SCYL1: variants seen among roughly 807,000 people sequenced by gnomAD.
SCYL1 encodes the protein SCY1 like pseudokinase 1, also known as N-terminal kinase-like protein.
Under a neutral mutation model 94.8 loss-of-function variants are expected in SCYL1, and 85 were observed. The observed-to-expected ratio is 0.90, with a 90% CI of 0.75 to 1.07. SCYL1 has a LOEUF of 1.07. Ranked by LOEUF, SCYL1 falls within the 50% of genes least tolerant of loss-of-function variation. The probability of loss-of-function intolerance (pLI) is 0.00; values close to 1 mark genes in which losing one functional copy is unlikely to be tolerated. For missense variants in SCYL1, 968 were observed against 1,083.3 expected (o/e 0.89, Z 1.49); for synonymous variants, 459 against 435.5 (o/e 1.05, Z -0.67).
Position 65,526,438 on chromosome 11 carries a change from T to A in SCYL1, c.602+88T>A. ...ACTCCTAGACTAGTTGGCACTCCCC[T>A]GTTCCCTGCTGCCTGGCTGGGGAGG... On this transcript the variant is annotated intron_variant, in intron 4 of 17. Coordinates refer to ENST00000270176, the MANE Select transcript of SCYL1 (RefSeq NM_020680.4). The surrounding 1 kb of genome is among the most constrained non-coding windows in gnomAD (Gnocchi z 4.1). 1 of 1,046,594 alleles carries A rather than the reference T, an allele frequency of 9.6e-7. No individual in the cohort carries two copies. The highest frequency in any genetic ancestry group is 1.6e-5 in the South Asian group (1 of 61,882). 64.8% of individuals were successfully genotyped at this position (1,046,594 alleles called of 1,614,324 possible).
chr11:65,526,739 C>T lies in SCYL1; in HGVS notation c.603-44C>T. Reference sequence around the variant, plus strand: ...GCCCAAGGCAGGCTGGAGGCCTGTGCAGGTGGTTGGTGGGGCCCTAAGAGC... The same window carrying T: ...GCCCAAGGCAGGCTGGAGGCCTGTGTAGGTGGTTGGTGGGGCCCTAAGAGC... On this transcript the variant is annotated intron_variant, in intron 4 of 17. Transcript: ENST00000270176. This position sits in a 1 kb window ranked among gnomAD's most constrained non-coding sequence, Gnocchi z 4.1. 1.3e-6 allele frequency: 2 copies of T among 1,578,598 alleles called. No homozygotes were observed. The highest frequency in any genetic ancestry group is 8.7e-7 in the Non-Finnish European group (1 of 1,155,778).
At chr11:65,534,247 A>G (rs1855536350) in intron 9 of SCYL1, among the ~76,000 whole-genome samples, 1 of 151,664 alleles carries the variant, frequency 6.6e-6, no homozygotes, top group Non-Finnish European at 1.5e-5. Context: ...ATAAAATAAA[A>G]TAAAAATTAA....
At position 65,532,752 on chromosome 11, in the gene SCYL1, G is replaced by A. The variant is rs747911305; in HGVS notation, c.1177G>A (p.Val393Ile). 21 of 1,614,014 alleles carry A rather than the reference G, an allele frequency of 1.3e-5. No homozygotes were observed. In the East Asian group the frequency reaches 2.0e-4, roughly 15 times the overall value. ...AGTCAACACCCAGATCTTCCCCCACGTCGTACATGGCTTCCTGGACACCAA... is the reference window on the plus strand; with the variant it reads ...AGTCAACACCCAGATCTTCCCCCACATCGTACATGGCTTCCTGGACACCAA... ...PTVNTQIFPHVVHGFLDTNPA... is the reference protein window; with the variant it reads ...PTVNTQIFPHIVHGFLDTNPA... The change falls in exon 9 of 18, where the codon GTC (valine) becomes ATC (isoleucine). Residue 393 changes from valine to isoleucine, a missense_variant. Physicochemically the swap from Val to Ile is conservative, Grantham distance 29 (BLOSUM62 3). Around this residue, in one of 2 missense-constraint regions of SCYL1, gnomAD observed 494 missense variants for 619.7 expected, o/e 0.80. Coordinates refer to ENST00000270176, the MANE Select transcript of SCYL1 (RefSeq NM_020680.4).
In SCYL1 at chr11:65,538,536, C is replaced by T. The variant is rs1013420547; in HGVS notation, c.2397C>T (p.Pro799=). ...KRAERKVAKG[P]MKLGARKLD is the part of the protein sequence containing the mutation. ...CCGAGAGGAAGGTGGCCAAGGGCCC[C>T]ATGAAGCTGGGAGCCCGGAAGCTGG... Residue 799 remains proline (P), a synonymous_variant, in exon 18 of 18, where the codon CCC becomes CCT. Coordinates refer to ENST00000270176, the MANE Select transcript of SCYL1 (RefSeq NM_020680.4). 2 of 1,611,616 alleles carry T rather than the reference C, an allele frequency of 1.2e-6. No individual in the cohort carries two copies. The highest frequency in any genetic ancestry group is 1.7e-6 in the Non-Finnish European group (2 of 1,179,518).
Position 65,526,491 on chromosome 11 carries a change from C to T in SCYL1, c.602+141C>T. 1.3e-6 allele frequency: 1 copy of T among 752,684 alleles called. No individual in the cohort carries two copies. The allele number at this position is 752,684 out of a possible 1,614,324, so 46.6% of individuals were successfully genotyped here. On this transcript the variant is annotated intron_variant, in intron 4 of 17. Coordinates refer to ENST00000270176, the MANE Select transcript of SCYL1 (RefSeq NM_020680.4). The surrounding 1 kb of genome is among the most constrained non-coding windows in gnomAD (Gnocchi z 4.1). ...ATCAGTGTCCCAGGAGTGAGGGACACTCCTCTGCCCCCAGGGTCCTCAGGG... is the reference window on the plus strand; with the variant it reads ...ATCAGTGTCCCAGGAGTGAGGGACATTCCTCTGCCCCCAGGGTCCTCAGGG...
chr11:65,537,871 T>C lies in SCYL1; in HGVS notation c.2022T>C (p.Arg674=). ...GGAGCACCGGGGGCCAAGTGAGCCG[T>C]GCTAGTCAGGTGAGCTGGGTCTGGT... is the stretch of plus-strand genomic sequence containing the variant. ...DDWSTGGQVS[R]ASQVSNSDHK... The change falls in exon 15 of 18, where the codon CGT becomes CGC. Residue 674 remains arginine, a synonymous_variant. Transcript: ENST00000270176. 1 of 1,577,760 alleles carries C rather than the reference T, an allele frequency of 6.3e-7. No homozygotes were observed.
rs1006453017 is a variant in SCYL1, at chr11:65,526,358, A to T, written c.602+8A>T. The T allele has an allele frequency of 6.3e-7, 1 of 1,586,104 alleles. No individual in the cohort carries two copies. Among genetic ancestry groups the T allele is most frequent in the African/African-American group, 1.3e-5 (1 of 74,486 alleles). Reference sequence around the variant, plus strand: ...AGTGGTCAGAGAGAAGTGGTGGGTGACTGGGGGCAGCGCGCCCCAACCTGC... The same window carrying T: ...AGTGGTCAGAGAGAAGTGGTGGGTGTCTGGGGGCAGCGCGCCCCAACCTGC... On this transcript the variant is annotated splice_region_variant and intron_variant, in intron 4 of 17. Transcript: ENST00000270176. The surrounding 1 kb of genome is among the most constrained non-coding windows in gnomAD (Gnocchi z 4.1).
chr11:65,538,087 G>C lies in SCYL1; in HGVS notation c.2152G>C (p.Gly718Arg). 2 of 1,606,798 alleles carry C rather than the reference G, an allele frequency of 1.2e-6. No individual in the cohort carries two copies. Among genetic ancestry groups the C allele is most frequent in the Non-Finnish European group, 8.5e-7 (1 of 1,177,356 alleles). ...EPSSQEPPPD[G>R]TRLASEYNWG... ...AAGCTCCCAGGAGCCACCTCCTGAC[G>C]GTACACGGCTGGCCAGCGAGTATAA... The change falls in exon 16 of 18, where the codon GGT becomes CGT. Residue 718 changes from glycine (G) to arginine (R), a missense_variant. Physicochemically the swap from Gly to Arg is moderately radical, Grantham distance 125 (BLOSUM62 -2). This residue lies in a region of SCYL1 where 474 missense variants were observed against 463.6 expected (regional missense o/e 1.02). Transcript: ENST00000270176.
intron 6 of SCYL1, among the ~76,000 whole-genome samples, chr11:65,529,435 T>C (rs989964050): frequency 1.3e-5 from 2 of 152,138 alleles, no homozygotes. Context: ...CCTCTTCCCA[T>C]TGTTAGGTGG....
At position 65,535,398 on chromosome 11, in the gene SCYL1, A is replaced by G; in HGVS notation, c.1386+16A>G. On this transcript the variant is annotated intron_variant, in intron 10 of 17. Coordinates refer to ENST00000270176, the MANE Select transcript of SCYL1 (RefSeq NM_020680.4). The stretch of plus-strand genomic sequence containing the variant: ...CAGTGCTAGCGTGAGTGTCCTGCAC[A>G]ACTGCTGGAGCCCGGTCCCTGTCGC... The G allele has an allele frequency of 6.2e-7, 1 of 1,610,706 alleles. No homozygotes were observed.
At chr11:65,528,483 G>A (rs1200934789) in intron 6 of SCYL1, among the ~76,000 whole-genome samples, 3 of 151,496 alleles carry the variant, frequency 2.0e-5, no homozygotes, top group Admixed American at 6.6e-5. Flanking sequence ...AAACCAGCCA[G>A]TGCGGTGGCT....
chr11:65,527,040 C>T lies in SCYL1; in HGVS notation c.772C>T (p.Leu258=), dbSNP rs1026679276. The change falls in exon 6 of 18, where the codon CTG becomes TTG. Residue 258 remains leucine, a synonymous_variant. Coordinates refer to ENST00000270176, the MANE Select transcript of SCYL1 (RefSeq NM_020680.4). ...GGTGCGTCCCAACCCAGCCCGCTTC[C>T]TGCAGAACTGCCGGGCACCTGGTGG... ...PKVRPNPARF[L]QNCRAPGGFM... is the part of the protein sequence containing the mutation. 3 of 1,613,622 alleles carry T rather than the reference C, an allele frequency of 1.9e-6. No homozygotes were observed. Among genetic ancestry groups the T allele is most frequent in the Non-Finnish European group, 2.5e-6 (3 of 1,179,996 alleles).
rs764688086 is a variant in SCYL1, at chr11:65,538,575, G to A, written c.*9G>A. The A allele has an allele frequency of 5.0e-6, 8 of 1,607,574 alleles. No individual in the cohort carries two copies. In the African/African-American group the frequency reaches 6.7e-5, roughly 13 times the overall value. On this transcript the variant is annotated 3_prime_UTR_variant, in exon 18 of 18. Coordinates refer to ENST00000270176, the MANE Select transcript of SCYL1 (RefSeq NM_020680.4). Reference sequence around the variant, plus strand: ...CCCGGAAGCTGGACTGAACCGTGGCGGTGGCCCTTCCCGGCTGCGGAGAGC... The same window carrying A: ...CCCGGAAGCTGGACTGAACCGTGGCAGTGGCCCTTCCCGGCTGCGGAGAGC...
At chr11:65,525,328 C>G (rs1303466485) in intron 1 of SCYL1, 64 bp downstream of exon 1, 1 of 1,255,444 alleles carries the variant, frequency 8.0e-7, no homozygotes, top group African/African-American at 1.6e-5. Flanking sequence ...GCGCCGCCGA[C>G]CCCGTCGCGT....
At chr11:65,536,779 G>C in intron 13 of SCYL1, 29 bp downstream of exon 13, 1 of 1,564,556 alleles carries the variant, frequency 6.4e-7, no homozygotes, top group Non-Finnish European at 8.7e-7. Flanking sequence ...CTGCATCAGT[G>C]GCTGAGAGGG....
Position 65,538,603 on chromosome 11 carries a change from G to GCC in SCYL1, c.*40_*41dup, listed in dbSNP as rs1209400946. 10 of 1,595,630 alleles carry GCC rather than the reference G, an allele frequency of 6.3e-6. No homozygotes were observed. Among genetic ancestry groups the GCC allele is most frequent in the Non-Finnish European group, 8.5e-6 (10 of 1,171,804 alleles). ...GGCCCTTCCCGGCTGCGGAGAGCCC[G>GCC]CCCCACAGATGTATTTATTGTACAA... On this transcript the variant is annotated 3_prime_UTR_variant, in exon 18 of 18. Coordinates refer to ENST00000270176, the MANE Select transcript of SCYL1 (RefSeq NM_020680.4).
chr11:65,525,811 A>T (rs999161482), intron 2 of SCYL1, 97 bp downstream of exon 2: 2 of 1,580,080 alleles, frequency 1.3e-6, no homozygotes, highest in African/African-American at 2.7e-5. Flanking sequence ...TATGTGCCCC[A>T]GCACCCCCAG....
intron 6 of SCYL1, among the ~76,000 whole-genome samples, chr11:65,529,541 G>C (rs1021128024): frequency 1.3e-5 from 2 of 152,232 alleles, no homozygotes; most frequent in Non-Finnish European, 2.9e-5. Context: ...CATGTGATCA[G>C]AGCACCAAGC....
chr11:65,526,983 CATT>C lies in SCYL1; in HGVS notation c.717_719del (p.Tyr240del). ...ACAGATCCCCAAAACGCTGGTGCCC[CATT>C]ACTGTGAGCTGGTGGGAGCAAACCC... On this transcript the variant is annotated inframe_deletion, in exon 6 of 18. Transcript: ENST00000270176. This position sits in a 1 kb window ranked among gnomAD's most constrained non-coding sequence, Gnocchi z 4.1. 1 of 1,612,856 alleles carries C rather than the reference CATT, an allele frequency of 6.2e-7. No individual in the cohort carries two copies. The highest frequency in any genetic ancestry group is 8.5e-7 in the Non-Finnish European group (1 of 1,179,422).
Sources: allele counts gnomAD v4.1 joint callset (sites outside exome capture counted in the v4.1 genomes callset), GRCh38; gene constraint gnomAD v4.1.1; regional missense constraint gnomAD v4.1.1; non-coding constraint Gnocchi (gnomAD v3.1); transcripts MANE v1.5; gene names NCBI Gene and HGNC (gene_info 2026-07-23, HGNC 2026-07-21).